Variants in MTUS1 observed in about 807,000 individuals in gnomAD.
MTUS1 encodes microtubule associated scaffold protein 1, also known as microtubule-associated tumor suppressor 1.
MTUS1 carries 109 observed loss-of-function variants against 120.8 expected under a neutral mutation model. The observed-to-expected ratio is 0.90, with a 90% CI of 0.77 to 1.06. MTUS1 has a LOEUF of 1.06. Ranked by LOEUF, MTUS1 falls within the 50% of genes least tolerant of loss-of-function variation. MTUS1 has a pLI of 0.00. For missense variants in MTUS1, 2,210 were observed against 1,486.3 expected (o/e 1.49, Z -8.01); for synonymous variants, 737 against 550.5 (o/e 1.34, Z -4.74).
chr8:17,797,937 C>A (rs531462823), intron 1 of MTUS1, among the ~76,000 whole-genome samples: 7 of 152,106 alleles, frequency 4.6e-5, no homozygotes, highest in South Asian at 2.1e-4. Context: ...CCCCGCCCCC[C>A]CAAATAAATA....
rs921101719 is a variant in MTUS1 at position 17,654,744 on chromosome 8, G to A, written c.3109-78C>T. On this transcript the variant is annotated intron_variant, in intron 9 of 14. Transcript: ENST00000693296. ...TTGAATACGCAAAGCAACCACATTA[G>A]GAGACGTCACAGCTTCACAGGTAAG... 1.5e-5 allele frequency: 15 copies of A among 985,048 alleles called. No individual in the cohort carries two copies. In the East Asian group the frequency reaches 3.4e-4, roughly 22 times the overall value. 61.0% of individuals were successfully genotyped at this position (985,048 alleles called of 1,614,324 possible).
At chr8:17,675,080 A>G in intron 8 of MTUS1, 106 bp downstream of exon 8, 4 of 1,568,230 alleles carry the variant, frequency 2.6e-6, no homozygotes, top group African/African-American at 2.7e-5. Flanking sequence ...GGGAGTGCCA[A>G]CAGCTCCCAG....
At chr8:17,721,626 C>T (rs6982255) in intron 4 of MTUS1, 712,008 of 1,413,858 alleles carry the variant, frequency 0.5, 185,643 homozygotes, top group Middle Eastern at 0.58. Flanking sequence ...GTTACAAAAA[C>T]AGAAGTCAAG....
chr8:17,670,379 C>T (rs1009356990), intron 8 of MTUS1, among the ~76,000 whole-genome samples: 2 of 152,120 alleles, frequency 1.3e-5, no homozygotes, highest in Non-Finnish European at 1.5e-5. Context: ...GGCAATGAAA[C>T]CCTTGCTATA....
intron 1 of MTUS1, among the ~76,000 whole-genome samples, chr8:17,767,707 A>AAAACAAACAAACAAACAAACAAAC (rs2049655825): frequency 2.1e-5 from 3 of 144,442 alleles, no homozygotes; most frequent in Non-Finnish European, 4.5e-5. Context: ...TCTTAAAAAA[A>AAAACAAACAAACAAACAAACAAAC]AAAAAAAAAA....
chr8:17,702,751 A>G (rs947179567), intron 6 of MTUS1, among the ~76,000 whole-genome samples: 11 of 152,154 alleles, frequency 7.2e-5, no homozygotes, highest in African/African-American at 2.4e-4. Flanking sequence ...CATATATGCC[A>G]TATTTGCTTT....
intron 1 of MTUS1, among the ~76,000 whole-genome samples, chr8:17,796,560 G>C (rs1414973443): frequency 6.6e-6 from 1 of 152,062 alleles, no homozygotes; most frequent in African/African-American, 2.4e-5. Context: ...TCTGCTTCTA[G>C]GGTATGAAAA....
intron 6 of MTUS1, among the ~76,000 whole-genome samples, chr8:17,712,491 C>A (rs1031839778): frequency 2.6e-5 from 4 of 152,054 alleles, no homozygotes; most frequent in African/African-American, 7.2e-5. Context: ...AGCGTACCAC[C>A]ACGTCCGGCA....
intron 2 of MTUS1, among the ~76,000 whole-genome samples, chr8:17,752,500 G>GAACACCA (rs2048277235): frequency 6.6e-6 from 1 of 152,204 alleles, no homozygotes; most frequent in African/African-American, 2.4e-5. Flanking sequence ...TCACTGTGGT[G>GAACACCA]TACCCTTCTT....
At chr8:17,701,048 G>C (rs936342366) in intron 6 of MTUS1, among the ~76,000 whole-genome samples, 1 of 152,072 alleles carries the variant, frequency 6.6e-6, no homozygotes, top group African/African-American at 2.4e-5. Context: ...CAATTTATCT[G>C]TTATTGTTTG....
chr8:17,665,604 G>T (rs1035855052), intron 8 of MTUS1, among the ~76,000 whole-genome samples: 1 of 152,056 alleles, frequency 6.6e-6, no homozygotes, highest in Non-Finnish European at 1.5e-5. Flanking sequence ...CAAGCGATCT[G>T]TCCACCTCAG....
chr8:17,773,709 T>G (rs1586322695), intron 1 of MTUS1, among the ~76,000 whole-genome samples: 1 of 152,148 alleles, frequency 6.6e-6, no homozygotes, highest in East Asian at 1.9e-4. Flanking sequence ...CTAAATCTAA[T>G]TACCTCCCAA....
intron 5 of MTUS1, among the ~76,000 whole-genome samples, chr8:17,714,894 C>CTTTATTTTTTTTTTTTTTTT (rs1822017475): frequency 3.6e-5 from 2 of 55,172 alleles, no homozygotes; most frequent in Non-Finnish European, 6.6e-5. Context: ...ACAAATAATG[C>CTTTATTTTTTTTTTTTTTTT]TTTTTTTTTT....
At chr8:17,668,442 T>C (rs1446630871) in intron 8 of MTUS1, among the ~76,000 whole-genome samples, 1 of 152,166 alleles carries the variant, frequency 6.6e-6, no homozygotes, top group Non-Finnish European at 1.5e-5. Context: ...AACATGACTC[T>C]GGAAAGAATC....
At chr8:17,775,897 G>C (rs1300210661) in intron 1 of MTUS1, among the ~76,000 whole-genome samples, 1 of 152,212 alleles carries the variant, frequency 6.6e-6, no homozygotes, top group Non-Finnish European at 1.5e-5. Context: ...GCATTTCAGA[G>C]TGAAGTCAAG....
At chr8:17,792,766 T>C (rs1563403208) in intron 1 of MTUS1, among the ~76,000 whole-genome samples, 4 of 152,288 alleles carry the variant, frequency 2.6e-5, no homozygotes, top group African/African-American at 2.4e-5. Flanking sequence ...CAGAAGGCTA[T>C]GGCATGAGAA....
At chr8:17,760,325 A>C (rs2048946345) in intron 1 of MTUS1, among the ~76,000 whole-genome samples, 1 of 152,204 alleles carries the variant, frequency 6.6e-6, no homozygotes, top group African/African-American at 2.4e-5. Flanking sequence ...ATATAAAATA[A>C]ATTTACTGAC....
intron 6 of MTUS1, among the ~76,000 whole-genome samples, chr8:17,707,415 A>G (rs540287504): frequency 6.6e-6 from 1 of 152,186 alleles, no homozygotes; most frequent in African/African-American, 2.4e-5. Context: ...TTAAGTCATG[A>G]TAATAACTAA....
In MTUS1 at chr8:17,767,181, C is replaced by T. The variant is rs796872343; in HGVS notation, c.-154-11220G>A. Among the ~76,000 whole-genome samples the T allele has an allele frequency of 5.2e-4, 38 of 73,246 alleles. 1 individual carries two copies. Among genetic ancestry groups the T allele is most frequent in the African/African-American group, 1.9e-3 (34 of 18,190 alleles). The allele number at this position is 73,246 out of a possible 152,430, so 48.1% of individuals were successfully genotyped here. ...CTTTTTTCACTTTGGTGATATCATC[C>T]TCAGGGTAAAAAAAAAAAAAAAAAA... On this transcript the variant is annotated intron_variant, in intron 1 of 14. Coordinates refer to ENST00000693296, the MANE Select transcript of MTUS1 (RefSeq NM_001363059.2).
Sources: gnomAD v4.1 joint callset for allele counts (sites outside exome capture counted in the v4.1 genomes callset) on GRCh38, gnomAD v4.1.1 for gene constraint, MANE v1.5 for transcripts, NCBI Gene and HGNC (gene_info 2026-07-23, HGNC 2026-07-21) for gene names.